TRRAP: variants seen among roughly 807,000 people sequenced by gnomAD.
The protein encoded by TRRAP is transformation/transcription domain-associated protein.
TRRAP carries 41 observed loss-of-function variants against 438.8 expected under a neutral mutation model. The observed-to-expected ratio is 0.09, with a 90% confidence interval of 0.07 to 0.12. TRRAP has a LOEUF of 0.12. Among genes scored for constraint, TRRAP ranks in the 10% least tolerant of loss-of-function variants. The pLI, the probability that TRRAP is intolerant of heterozygous loss-of-function variation, is 1.00. For missense variants in TRRAP, 3,122 were observed against 5,055.1 expected (o/e 0.62, Z 11.60); for synonymous variants, 1,994 against 1,962.9 (o/e 1.02, Z -0.42).
rs1794418407 is a variant in TRRAP, at chr7:99,011,372, G to C, written c.11174G>C (p.Arg3725Pro). 1 of 1,614,000 alleles carries C rather than the reference G, an allele frequency of 6.2e-7. No homozygotes were observed. The highest frequency in any genetic ancestry group is 8.5e-7 in the Non-Finnish European group (1 of 1,180,016). ...GGCAAACTGAATGTTGCCTACTTTC[G>C]ATTTGACATAAACGACGCGACTGGA... Reference protein sequence around the residue: ...DTGKLNVAYFRFDINDATGDL... With the variant: ...DTGKLNVAYFPFDINDATGDL... Residue 3725 changes from arginine to proline, a missense_variant, in exon 72 of 73, where the codon CGA becomes CCA. This residue lies in a region of TRRAP where 192 missense variants were observed against 355.6 expected (regional missense o/e 0.54). Transcript: ENST00000456197. The surrounding 1 kb of genome is among the most constrained non-coding windows in gnomAD (Gnocchi z 7.1).
At chr7:98,909,018 AAT>A in intron 14 of TRRAP, 56 bp downstream of exon 14, 3 of 1,419,858 alleles carry the variant, frequency 2.1e-6, no homozygotes, top group Non-Finnish European at 2.8e-6. Flanking sequence ...TTTGTGGCTA[AAT>A]TTTTTTTTTT....
intron 28 of TRRAP, among the ~76,000 whole-genome samples, chr7:98,936,075 T>G (rs782301563): frequency 9.9e-5 from 15 of 152,184 alleles, no homozygotes; most frequent in Non-Finnish European, 1.5e-4. Context: ...CTGGGAAACC[T>G]CAGTTATCAT....
rs1554409506 is a variant in TRRAP, at chr7:98,915,839, C to T, written c.2316C>T (p.His772=). 1.2e-6 allele frequency: 2 copies of T among 1,614,208 alleles called. No individual in the cohort carries two copies. The highest frequency in any genetic ancestry group is 1.7e-5 in the Admixed American group (1 of 60,024). ...ALFRSIGGGS[H]DLLYQEFLPL... ...TTCGCTCTATTGGTGGAGGTAGCCA[C>T]GATCTCTTGTATCAGGAGTTCTTGC... Residue 772 remains histidine, a synonymous_variant, in exon 19 of 73, where the codon CAC becomes CAT. Coordinates refer to ENST00000456197, the MANE Select transcript of TRRAP (RefSeq NM_001375524.1).
chr7:98,964,873 A>G (rs906664503), intron 48 of TRRAP, 98 bp downstream of exon 48: 1 of 1,390,856 alleles, frequency 7.2e-7, no homozygotes, highest in African/African-American at 1.5e-5. Context: ...GGGAATGTGC[A>G]TTCACCAAGT....
At chr7:98,922,088 T>G (rs1789822906) in intron 21 of TRRAP, 135 bp downstream of exon 21, 1 of 1,262,598 alleles carries the variant, frequency 7.9e-7, no homozygotes, top group East Asian at 2.5e-5. Flanking sequence ...ATCGGCCTGG[T>G]TGGCACAGGG....
chr7:98,991,106 A>C (rs1216740943), intron 64 of TRRAP, among the ~76,000 whole-genome samples: 2 of 152,210 alleles, frequency 1.3e-5, no homozygotes, highest in African/African-American at 4.8e-5. Flanking sequence ...CAGTGGGGCC[A>C]GGCCGGGGAA....
At chr7:98,938,041 G>T (rs1463068921) in intron 30 of TRRAP, among the ~76,000 whole-genome samples, 1 of 152,174 alleles carries the variant, frequency 6.6e-6, no homozygotes, top group Admixed American at 6.5e-5. Flanking sequence ...TGGTGTGGCA[G>T]CGTGCATCTG....
At chr7:98,937,538 C>A in intron 29 of TRRAP, 112 bp from the exon 30 acceptor site, 1 of 1,211,902 alleles carries the variant, frequency 8.3e-7, no homozygotes, top group Non-Finnish European at 1.1e-6. Context: ...ATTAATATTC[C>A]ATCTTCCTAA....
At chr7:98,895,468 A>T (rs117645417) in intron 6 of TRRAP, among the ~76,000 whole-genome samples, 1 of 152,194 alleles carries the variant, frequency 6.6e-6, no homozygotes, top group Non-Finnish European at 1.5e-5. Flanking sequence ...CTCTCGTTCC[A>T]TCCTATCAGG....
intron 30 of TRRAP, among the ~76,000 whole-genome samples, chr7:98,938,508 A>G (rs1790655180): frequency 2.0e-5 from 3 of 151,808 alleles, no homozygotes; most frequent in Non-Finnish European, 2.9e-5. Context: ...GATGTTTTAT[A>G]TATGTAAGAG....
chr7:98,910,202 C>T lies in TRRAP; in HGVS notation c.1497C>T (p.Ser499=), dbSNP rs1554408417. The T allele has an allele frequency of 1.3e-6, 2 of 1,596,800 alleles. No individual in the cohort carries two copies. Among genetic ancestry groups the T allele is most frequent in the African/African-American group, 1.3e-5 (1 of 74,562 alleles). ...CTGCAGCTCCTGGCCCTGCTCCCTC[C>T]CCAGCCCCTGTCCCTGCCCCACCTC... ...TAPAAPGPAP[S]PAPVPAPPPP... The change falls in exon 15 of 73, where the codon TCC becomes TCT. Residue 499 remains serine (S), a synonymous_variant. Coordinates refer to ENST00000456197, the MANE Select transcript of TRRAP (RefSeq NM_001375524.1).
At chr7:98,884,422 A>G (rs1247432411) in intron 3 of TRRAP, among the ~76,000 whole-genome samples, 2 of 151,720 alleles carry the variant, frequency 1.3e-5, no homozygotes, top group East Asian at 1.9e-4. Flanking sequence ...TTTAGTAGAG[A>G]TGGGGTTTCG....
rs1401762516 is a variant in TRRAP at position 98,948,866 on chromosome 7, A to G, written c.4788+181A>G. ...GTCTGTGAAATGTGCAGGTCTAGGA[A>G]CCACTCTTTATAGGACTTTGGTGGT... On this transcript the variant is annotated intron_variant, in intron 35 of 72. Transcript: ENST00000456197. The surrounding 1 kb of genome is among the most constrained non-coding windows in gnomAD (Gnocchi z 4.9). Among the ~76,000 whole-genome samples, 1 of 152,202 alleles carries G rather than the reference A, an allele frequency of 6.6e-6. No homozygotes were observed. Among genetic ancestry groups the G allele is most frequent in the Non-Finnish European group, 1.5e-5 (1 of 68,028 alleles).
At chr7:98,931,730 T>G in intron 26 of TRRAP, 65 bp downstream of exon 26, 1 of 1,572,182 alleles carries the variant, frequency 6.4e-7, no homozygotes. Flanking sequence ...TTTTTAAATT[T>G]GAGTTGAGGT....
intron 67 of TRRAP, chr7:98,998,845 G>A: frequency 3.3e-6 from 1 of 302,972 alleles, no homozygotes; most frequent in South Asian, 5.2e-5. Context: ...GGCCTCATCT[G>A]CTTGCAGGTA....
intron 53 of TRRAP, among the ~76,000 whole-genome samples, chr7:98,973,469 A>G (rs1792509130): frequency 2.0e-5 from 3 of 152,134 alleles, no homozygotes; most frequent in Admixed American, 6.5e-5. Flanking sequence ...AGGGGTCAGG[A>G]TATTTGGTTT....
Position 98,967,144 on chromosome 7 carries a change from T to G in TRRAP, c.7280T>G (p.Leu2427Arg). 6.2e-7 allele frequency: 1 copy of G among 1,614,010 alleles called. No homozygotes were observed. The highest frequency in any genetic ancestry group is 8.5e-7 in the Non-Finnish European group (1 of 1,179,978). The change falls in exon 50 of 73, where the codon CTT (leucine) becomes CGT (arginine). Residue 2427 changes from leucine (L) to arginine (R), a missense_variant. Leu to Arg is a moderately radical substitution (Grantham distance 102). Around this residue, in one of 24 missense-constraint regions of TRRAP, gnomAD observed 992 missense variants for 1,281.2 expected, o/e 0.77. Coordinates refer to ENST00000456197, the MANE Select transcript of TRRAP (RefSeq NM_001375524.1). ...GAATTAAATGCCCAGTTTTTAGATC[T>G]TGTTAACTATGTCTACAGGTAATTA... ...DLELNAQFLD[L>R]VNYVYRDETL...
At chr7:98,959,948 A>G (rs1185273411) in intron 45 of TRRAP, among the ~76,000 whole-genome samples, 2 of 149,840 alleles carry the variant, frequency 1.3e-5, no homozygotes, top group Admixed American at 6.7e-5. Flanking sequence ...AAAAAAAAAA[A>G]AAAAAAGAAA....
Position 98,971,964 on chromosome 7 carries a change from A to G in TRRAP, c.7839+19A>G, listed in dbSNP as rs188284357. 1.7e-3 allele frequency: 2,702 copies of G among 1,612,094 alleles called. 8 individuals carry two copies. The highest frequency in any genetic ancestry group is 2.1e-3 in the Non-Finnish European group (2,476 of 1,179,104). ...GGTGAAGGTCTGTACGCAGCTTGGA[A>G]AGGATTCGTTGCTTTCCTCCCATGG... On this transcript the variant is annotated intron_variant, in intron 53 of 72. Coordinates refer to ENST00000456197, the MANE Select transcript of TRRAP (RefSeq NM_001375524.1).
Sources: gnomAD v4.1 joint callset for allele counts (sites outside exome capture counted in the v4.1 genomes callset) on GRCh38, gnomAD v4.1.1 for gene constraint, gnomAD v4.1.1 regional missense constraint, Gnocchi (gnomAD v3.1) non-coding constraint, MANE v1.5 for transcripts, NCBI Gene and HGNC (gene_info 2026-07-23, HGNC 2026-07-21) for gene names.